The following GUCY2F variants were observed in gnomAD, a reference collection of about 807,000 sequenced individuals.
The protein encoded by GUCY2F is retinal guanylyl cyclase 2.
A neutral mutation model predicts 73.1 loss-of-function variants in GUCY2F; 61 were observed. The observed-to-expected ratio is 0.83, with a 90% confidence interval of 0.68 to 1.03. GUCY2F has a LOEUF of 1.03. GUCY2F is among the 50% of genes least tolerant of loss of function. The pLI is 0.00. For synonymous variants in GUCY2F, 331 were observed against 307.8 expected (o/e 1.08, Z -0.79); for missense variants, 912 against 854.3 (o/e 1.07, Z -0.84).
At chrX:109,403,480 T>C (rs1409576471) in intron 10 of GUCY2F, among the ~76,000 whole-genome samples, 1 of 111,828 alleles carries the variant, frequency 8.9e-6, no homozygotes, top group African/African-American at 3.3e-5. Context: ...GCAAGCCAGA[T>C]ACCGAAATGA....
At chrX:109,428,246 T>G (rs1931532022) in intron 8 of GUCY2F, among the ~76,000 whole-genome samples, 1 of 112,242 alleles carries the variant, frequency 8.9e-6, no homozygotes, top group Non-Finnish European at 1.9e-5. Flanking sequence ...TACTCTCCAG[T>G]GGAGGAACTT....
intron 17 of GUCY2F, among the ~76,000 whole-genome samples, chrX:109,376,967 A>G (rs1158462327): frequency 8.9e-6 from 1 of 112,047 alleles, no homozygotes; most frequent in East Asian, 2.8e-4. Context: ...GAGAAAAGTA[A>G]TGGGATGTGT....
chrX:109,429,460 A>G (rs1261765044), intron 8 of GUCY2F, among the ~76,000 whole-genome samples: 1 of 110,987 alleles, frequency 9.0e-6, no homozygotes, highest in East Asian at 2.8e-4. Flanking sequence ...ACCAAATCAT[A>G]ACATCTCTTC....
chrX:109,424,216 T>C (rs1057119745), intron 8 of GUCY2F, among the ~76,000 whole-genome samples: 3 of 112,153 alleles, frequency 2.7e-5, no homozygotes, highest in African/African-American at 9.7e-5. Flanking sequence ...GTCCAGTATC[T>C]ATTAAAGAAA....
intron 1 of GUCY2F, among the ~76,000 whole-genome samples, chrX:109,480,975 GGA>G (rs1443303290): frequency 6.8e-5 from 7 of 102,269 alleles, no homozygotes; most frequent in Non-Finnish European, 1.2e-4. Context: ...GGGGAGGAAG[GGA>G]GAGGGAAGGA....
chrX:109,383,537 C>A (rs1490281693), intron 16 of GUCY2F: 1 of 175,712 alleles, frequency 5.7e-6, no homozygotes, highest in Non-Finnish European at 9.0e-6. Flanking sequence ...GGAGAGGCTA[C>A]CTCTCTACAG....
At chrX:109,440,803 C>A (rs1417598936) in intron 7 of GUCY2F, among the ~76,000 whole-genome samples, 2 of 111,958 alleles carry the variant, frequency 1.8e-5, no homozygotes, top group African/African-American at 6.5e-5. Flanking sequence ...AACACAGAAA[C>A]CTCAGTGGAA....
intron 8 of GUCY2F, among the ~76,000 whole-genome samples, chrX:109,416,929 A>C (rs1245812414): frequency 9.6e-6 from 1 of 104,493 alleles, no homozygotes; most frequent in African/African-American, 3.9e-5. Flanking sequence ...GAAACAAAGA[A>C]ATGCAAAAAA....
intron 8 of GUCY2F, among the ~76,000 whole-genome samples, chrX:109,427,061 G>A (rs138248161): frequency 3.6e-5 from 4 of 112,141 alleles, no homozygotes; most frequent in East Asian, 2.8e-4. Flanking sequence ...TTTGGGAAGC[G>A]TCATCAGTAA....
intron 8 of GUCY2F, among the ~76,000 whole-genome samples, chrX:109,411,898 A>C (rs1340478811): frequency 8.9e-6 from 1 of 112,125 alleles, no homozygotes; most frequent in East Asian, 2.8e-4. Context: ...AGCCTGCAAT[A>C]ATAAGACTTA....
chrX:109,389,525 T>A (rs1160811632), intron 14 of GUCY2F, among the ~76,000 whole-genome samples: 1 of 112,356 alleles, frequency 8.9e-6, no homozygotes, highest in Non-Finnish European at 1.9e-5. Flanking sequence ...TCTGAAGTTA[T>A]ACCATCTTGA....
At chrX:109,403,832 G>T (rs1264737426) in intron 10 of GUCY2F, among the ~76,000 whole-genome samples, 9 of 112,181 alleles carry the variant, frequency 8.0e-5, no homozygotes, top group African/African-American at 2.9e-4. Context: ...TTATTTGCTA[G>T]AAGGCCACAG....
At chrX:109,453,079 G>GA in intron 4 of GUCY2F, among the ~76,000 whole-genome samples, 1 of 111,901 alleles carries the variant, frequency 8.9e-6, no homozygotes, top group Non-Finnish European at 1.9e-5. Context: ...AGTTCAGAGA[G>GA]GAGAGAGTAT....
rs769599137 is a variant in GUCY2F, at chrX:109,472,593, A to T, written c.730+2614T>A. ...GTTGAGAGGAGCTGGAAAATTAGCTAAAGATTTGATCCGGTATGTGCTACG... is the reference window on the plus strand; with the variant it reads ...GTTGAGAGGAGCTGGAAAATTAGCTTAAGATTTGATCCGGTATGTGCTACG... On this transcript the variant is annotated intron_variant, in intron 2 of 19. Coordinates refer to ENST00000218006, the MANE Select transcript of GUCY2F (RefSeq NM_001522.3). Among the ~76,000 whole-genome samples, 14 of 112,179 alleles carry T rather than the reference A, an allele frequency of 1.2e-4. No homozygotes were observed. In the East Asian group the frequency reaches 3.9e-3, roughly 32 times the overall value.
intron 2 of GUCY2F, among the ~76,000 whole-genome samples, chrX:109,472,716 G>T (rs1250657976): frequency 4.5e-5 from 5 of 112,029 alleles, no homozygotes; most frequent in African/African-American, 1.6e-4. Flanking sequence ...TTTCTAATGG[G>T]ACAAAAGATG....
At chrX:109,473,116 C>A (rs970623677) in intron 2 of GUCY2F, among the ~76,000 whole-genome samples, 2 of 111,625 alleles carry the variant, frequency 1.8e-5, no homozygotes, top group Admixed American at 9.5e-5. Flanking sequence ...TCTGAATCTG[C>A]CTATGTTTTG....
intron 8 of GUCY2F, among the ~76,000 whole-genome samples, chrX:109,413,997 G>T (rs1931177417): frequency 9.1e-6 from 1 of 109,825 alleles, no homozygotes; most frequent in Non-Finnish European, 1.9e-5. Context: ...TGTCGCCTAG[G>T]CTGGAGTGCA....
intron 7 of GUCY2F, among the ~76,000 whole-genome samples, chrX:109,439,866 A>G (rs974241934): frequency 8.0e-5 from 9 of 111,946 alleles, no homozygotes; most frequent in African/African-American, 6.5e-5. Flanking sequence ...GTAATCTCCA[A>G]GAAGAATCAG....
intron 17 of GUCY2F, 46 bp from the exon 18 acceptor site, chrX:109,376,213 T>G: frequency 1.1e-6 from 1 of 951,250 alleles, no homozygotes; most frequent in Non-Finnish European, 1.5e-6. Context: ...TATAATCAAT[T>G]TTCCAAAAGA....
Sources: allele counts gnomAD v4.1 joint callset (sites outside exome capture counted in the v4.1 genomes callset), GRCh38; gene constraint gnomAD v4.1.1; transcripts MANE v1.5; gene names NCBI Gene and HGNC (gene_info 2026-07-23, HGNC 2026-07-21).